The following FAM135A variants were observed in gnomAD, a reference collection of about 807,000 sequenced individuals.
The protein encoded by FAM135A is protein FAM135A.
A neutral mutation model predicts 146.8 loss-of-function variants in FAM135A; 79 were observed. That is an observed-to-expected ratio of 0.54 (90% CI 0.45 to 0.65). FAM135A has a LOEUF of 0.65. FAM135A is among the 30% of genes least tolerant of loss of function. The pLI is 0.00. For synonymous variants in FAM135A, 562 were observed against 603.6 expected (o/e 0.93, Z 1.01); for missense variants, 1,623 against 1,758.2 (o/e 0.92, Z 1.38).
intron 4 of FAM135A, among the ~76,000 whole-genome samples, chr6:70,432,091 ACAAT>A (rs1771796571): frequency 6.6e-6 from 1 of 152,160 alleles, no homozygotes; most frequent in Non-Finnish European, 1.5e-5. Flanking sequence ...TTGTGTATTA[ACAAT>A]CAATGCTATA....
At chr6:70,517,398 GTGTGCACGT>G (rs1174766476) in intron 12 of FAM135A, among the ~76,000 whole-genome samples, 1 of 150,766 alleles carries the variant, frequency 6.6e-6, no homozygotes, top group Admixed American at 6.6e-5. Flanking sequence ...AGGCATGGTG[GTGTGCACGT>G]CTTTTTCCTT....
intron 4 of FAM135A, among the ~76,000 whole-genome samples, chr6:70,441,519 T>G (rs1386944507): frequency 6.6e-6 from 1 of 152,124 alleles, no homozygotes; most frequent in Non-Finnish European, 1.5e-5. Flanking sequence ...CTATTATGAT[T>G]AGGTGTTGCA....
At chr6:70,498,699 G>C (rs1483773688) in intron 11 of FAM135A, among the ~76,000 whole-genome samples, 1 of 152,148 alleles carries the variant, frequency 6.6e-6, no homozygotes, top group Non-Finnish European at 1.5e-5. Context: ...TGGTTTCAAA[G>C]AACTTCTTTA....
intron 11 of FAM135A, among the ~76,000 whole-genome samples, chr6:70,494,781 A>G (rs1244241527): frequency 2.0e-5 from 3 of 152,156 alleles, no homozygotes; most frequent in Non-Finnish European, 4.4e-5. Flanking sequence ...CTAGGAATCT[A>G]GATAACCTTG....
intron 18 of FAM135A, 128 bp downstream of exon 18, chr6:70,533,982 G>A: frequency 2.3e-6 from 1 of 426,082 alleles, no homozygotes; most frequent in Non-Finnish European, 4.0e-6. Flanking sequence ...AATTTATAGT[G>A]AAAAAAAGTA....
intron 5 of FAM135A, among the ~76,000 whole-genome samples, chr6:70,455,907 A>G (rs1302215564): frequency 6.6e-6 from 1 of 152,134 alleles, no homozygotes; most frequent in Non-Finnish European, 1.5e-5. Flanking sequence ...GCTGGAGTGC[A>G]GTGGTGCGAT....
intron 8 of FAM135A, among the ~76,000 whole-genome samples, chr6:70,477,787 G>A (rs983545796): frequency 7.2e-5 from 11 of 152,024 alleles, no homozygotes; most frequent in South Asian, 2.1e-4. Flanking sequence ...TAGTGAAAAC[G>A]TGTACTTTGC....
chr6:70,469,730 CA>C (rs967646916), intron 5 of FAM135A, among the ~76,000 whole-genome samples: 1 of 150,504 alleles, frequency 6.6e-6, no homozygotes, highest in Admixed American at 6.6e-5. Flanking sequence ...CCACCCCCTG[CA>C]AAAAAAAGAG....
At position 70,528,435 on chromosome 6, in the gene FAM135A, G is replaced by A; in HGVS notation, c.3758G>A (p.Cys1253Tyr). The A allele has an allele frequency of 6.2e-7, 1 of 1,607,944 alleles. No homozygotes were observed. Among genetic ancestry groups the A allele is most frequent in the Non-Finnish European group, 8.5e-7 (1 of 1,177,834 alleles). Residue 1253 changes from cysteine (C) to tyrosine (Y), a missense_variant, in exon 16 of 22, where the codon TGT becomes TAT. Physicochemically the swap from Cys to Tyr is radical, Grantham distance 194 (BLOSUM62 -2). Coordinates refer to ENST00000418814, the MANE Select transcript of FAM135A (RefSeq NM_001162529.3). ...GSEDGVHLIV[C>Y]VHGLDGNSAD... ...GAAGATGGAGTACATCTGATTGTCT[G>A]TGTGCACGGTTTAGATGGTATGTGA... is the stretch of plus-strand genomic sequence containing the variant.
intron 2 of FAM135A, among the ~76,000 whole-genome samples, chr6:70,419,461 TTCCTTTA>T (rs1450753786): frequency 6.6e-6 from 1 of 152,250 alleles, no homozygotes; most frequent in African/African-American, 2.4e-5. Context: ...TTCTTGCTTA[TTCCTTTA>T]GAGAAGGCCC....
intron 2 of FAM135A, among the ~76,000 whole-genome samples, chr6:70,421,841 A>C (rs1408610416): frequency 6.6e-6 from 1 of 152,206 alleles, no homozygotes; most frequent in African/African-American, 2.4e-5. Flanking sequence ...ATAGGTTTAA[A>C]GTAACAGGTT....
At chr6:70,538,903 A>C (rs1034478839) in intron 20 of FAM135A, among the ~76,000 whole-genome samples, 2 of 124,660 alleles carry the variant, frequency 1.6e-5, no homozygotes, top group Admixed American at 1.5e-4. Context: ...CTAAACTATT[A>C]ATGATTATCC....
At chr6:70,502,951 A>G (rs1788909787) in intron 12 of FAM135A, 160 bp downstream of exon 12, 1 of 728,268 alleles carries the variant, frequency 1.4e-6, no homozygotes, top group Non-Finnish European at 2.1e-6. Flanking sequence ...TAATAATAGA[A>G]TAGAACAATA....
chr6:70,516,373 A>G (rs1009381778), intron 12 of FAM135A, among the ~76,000 whole-genome samples: 1 of 152,072 alleles, frequency 6.6e-6, no homozygotes, highest in African/African-American at 2.4e-5. Context: ...TAGAAGGAGC[A>G]TGTTTTTGAA....
At chr6:70,465,469 T>A (rs1780270116) in intron 5 of FAM135A, among the ~76,000 whole-genome samples, 1 of 152,148 alleles carries the variant, frequency 6.6e-6, no homozygotes, top group South Asian at 2.1e-4. Context: ...TCATCCAGGC[T>A]GGAGTGCAGG....
chr6:70,500,865 G>A (rs1443216323), intron 11 of FAM135A, among the ~76,000 whole-genome samples: 1 of 152,172 alleles, frequency 6.6e-6, no homozygotes, highest in African/African-American at 2.4e-5. Context: ...CTTCATCCCA[G>A]AGGGGCACCA....
intron 5 of FAM135A, among the ~76,000 whole-genome samples, chr6:70,468,702 T>C (rs1483485659): frequency 6.6e-6 from 1 of 152,216 alleles, no homozygotes; most frequent in African/African-American, 2.4e-5. Context: ...CATAGAAGAC[T>C]CTTGTCTGTC....
At chr6:70,422,501 A>G (rs1393184063) in intron 2 of FAM135A, among the ~76,000 whole-genome samples, 2 of 152,216 alleles carry the variant, frequency 1.3e-5, no homozygotes, top group Admixed American at 6.5e-5. Context: ...ATGTACATGT[A>G]TGTTTCTATT....
chr6:70,495,474 A>C lies in FAM135A; in HGVS notation c.873+4391A>C, dbSNP rs1787011632. 1.3e-5 allele frequency among the ~76,000 whole-genome samples: 2 copies of C among 152,052 alleles called. 1 individual carries two copies. The highest frequency in any genetic ancestry group is 4.1e-4 in the South Asian group (2 of 4,826). On this transcript the variant is annotated intron_variant, in intron 11 of 21. Transcript: ENST00000418814. Reference sequence around the variant, plus strand: ...TAATTTTTGTTTAGCGTCTTCTCTGAGTTAGGCAAGGTAAATGAAAGTGTG... The same window carrying C: ...TAATTTTTGTTTAGCGTCTTCTCTGCGTTAGGCAAGGTAAATGAAAGTGTG...
Sources: gnomAD v4.1 joint callset for allele counts (sites outside exome capture counted in the v4.1 genomes callset) on GRCh38, gnomAD v4.1.1 for gene constraint, MANE v1.5 for transcripts, NCBI Gene and HGNC (gene_info 2026-07-23, HGNC 2026-07-21) for gene names.